The following DIRAS2 variants were observed in gnomAD, a reference collection of about 807,000 sequenced individuals.
DIRAS2 encodes GTP-binding protein Di-Ras2.
A neutral mutation model predicts 13.9 loss-of-function variants in DIRAS2; 5 were observed. The ratio of observed to expected loss-of-function variants is 0.36; its 90% CI spans 0.19 to 0.76. DIRAS2 has a LOEUF of 0.76. Among genes scored for constraint, DIRAS2 ranks in the 30% least tolerant of loss-of-function variants. DIRAS2 has a pLI of 0.53. For synonymous variants in DIRAS2, 111 were observed against 105.4 expected (o/e 1.05, Z -0.33); for missense variants, 191 against 263.0 (o/e 0.73, Z 1.89).
Position 90,613,621 on chromosome 9 carries a change from C to T in DIRAS2, c.207G>A (p.Pro69=), listed in dbSNP as rs749404086. 17 of 1,614,036 alleles carry T rather than the reference C, an allele frequency of 1.1e-5. No homozygotes were observed. Among genetic ancestry groups the T allele is most frequent in the South Asian group, 4.4e-5 (4 of 91,078 alleles). Residue 69 remains proline, a synonymous_variant, in exon 2 of 2, where the codon CCG becomes CCA. Coordinates refer to ENST00000375765, the MANE Select transcript of DIRAS2 (RefSeq NM_017594.5). The surrounding 1 kb of genome is among the most constrained non-coding windows in gnomAD (Gnocchi z 5.6). The stretch of plus-strand genomic sequence containing the variant: ...TGGAGATGGACAGCCGCTGCATGGC[C>T]GGGAACTGGTGGCTCCCCGTCGTGT... ...ITDTTGSHQF[P]AMQRLSISKG...
At chr9:90,631,402 G>A (rs1054418861) in intron 1 of DIRAS2, among the ~76,000 whole-genome samples, 1 of 152,206 alleles carries the variant, frequency 6.6e-6, no homozygotes, top group African/African-American at 2.4e-5. Context: ...AGAAGAACAG[G>A]AGACAGCTGG....
Position 90,613,406 on chromosome 9 carries a change from C to A in DIRAS2, c.422G>T (p.Arg141Leu). ...CTCCATGAAGGCACACTTCCATGTG[C>A]GGGCCAAGGCCTCCGCCTCGCTGCT... ...VQSSEAEALA[R>L]TWKCAFMETS... Residue 141 changes from arginine to leucine, a missense_variant, in exon 2 of 2, where the codon CGC becomes CTC. Coordinates refer to ENST00000375765, the MANE Select transcript of DIRAS2 (RefSeq NM_017594.5). This position sits in a 1 kb window ranked among gnomAD's most constrained non-coding sequence, Gnocchi z 5.6. 6.2e-7 allele frequency: 1 copy of A among 1,614,132 alleles called. No homozygotes were observed. Among genetic ancestry groups the A allele is most frequent in the Non-Finnish European group, 8.5e-7 (1 of 1,180,016 alleles).
intron 1 of DIRAS2, among the ~76,000 whole-genome samples, chr9:90,618,744 T>C (rs1181669281): frequency 2.0e-5 from 3 of 152,138 alleles, no homozygotes; most frequent in Non-Finnish European, 4.4e-5. Flanking sequence ...AAGACATTTC[T>C]CAAAAGAAGA....
At chr9:90,631,738 A>G (rs1825327047) in intron 1 of DIRAS2, among the ~76,000 whole-genome samples, 1 of 152,032 alleles carries the variant, frequency 6.6e-6, no homozygotes, top group Non-Finnish European at 1.5e-5. Context: ...CTGCAAACCC[A>G]TGGCCAGGAC....
rs145712252 is a variant in DIRAS2 at position 90,616,331 on chromosome 9, G to A, written c.-36-2468C>T. Among the ~76,000 whole-genome samples the A allele has an allele frequency of 8.5e-5, 13 of 152,206 alleles. 1 individual carries two copies. Among genetic ancestry groups the A allele is most frequent in the African/African-American group, 2.9e-4 (12 of 41,452 alleles). On this transcript the variant is annotated intron_variant, in intron 1 of 1. Coordinates refer to ENST00000375765, the MANE Select transcript of DIRAS2 (RefSeq NM_017594.5). Reference sequence around the variant, plus strand: ...CCAGAAAACAACTGTGCAGAGGACAGACTTAAGGAAGGATCTCTATTCTCA... The same window carrying A: ...CCAGAAAACAACTGTGCAGAGGACAAACTTAAGGAAGGATCTCTATTCTCA...
intron 1 of DIRAS2, among the ~76,000 whole-genome samples, chr9:90,641,473 T>A (rs190158761): frequency 6.6e-6 from 1 of 152,306 alleles, no homozygotes; most frequent in Non-Finnish European, 1.5e-5. Context: ...TGCCACTGTA[T>A]CTTTTATTTC....
chr9:90,632,383 C>A (rs1290224800), intron 1 of DIRAS2, among the ~76,000 whole-genome samples: 1 of 152,172 alleles, frequency 6.6e-6, no homozygotes, highest in Non-Finnish European at 1.5e-5. Flanking sequence ...TACCCAGACC[C>A]TCTTCCCCCA....
At chr9:90,629,818 G>A (rs955975022) in intron 1 of DIRAS2, among the ~76,000 whole-genome samples, 2 of 152,226 alleles carry the variant, frequency 1.3e-5, no homozygotes, top group African/African-American at 2.4e-5. Flanking sequence ...TGTTCAGTAC[G>A]GGCACAACCA....
intron 1 of DIRAS2, among the ~76,000 whole-genome samples, chr9:90,637,141 A>G (rs752215921): frequency 6.6e-6 from 1 of 152,226 alleles, no homozygotes; most frequent in African/African-American, 2.4e-5. Context: ...AAATTGAAGT[A>G]CAGTTTCTAC....
At chr9:90,619,416 C>G (rs1279539531) in intron 1 of DIRAS2, among the ~76,000 whole-genome samples, 1 of 152,128 alleles carries the variant, frequency 6.6e-6, no homozygotes, top group Admixed American at 6.5e-5. Context: ...TCACTACAGC[C>G]TGGGTGACAA....
intron 1 of DIRAS2, among the ~76,000 whole-genome samples, chr9:90,622,082 T>C (rs1302582332): frequency 6.6e-6 from 1 of 152,092 alleles, no homozygotes; most frequent in Non-Finnish European, 1.5e-5. Context: ...CAAGACACCA[T>C]ATGTATAAAA....
At position 90,641,796 on chromosome 9, in the gene DIRAS2, G is replaced by A. The variant is rs934616076; in HGVS notation, c.-37+956C>T. Among the ~76,000 whole-genome samples the A allele has an allele frequency of 3.9e-5, 6 of 152,242 alleles. No homozygotes were observed. The East Asian group carries it at 1.2e-3, about 29-fold the overall frequency. On this transcript the variant is annotated intron_variant, in intron 1 of 1. Transcript: ENST00000375765. ...AAAATAATATTTTTGAAAATTTTTA[G>A]TTTGAAGCAGAAAAGTTCTGATATG... is the stretch of plus-strand genomic sequence containing the variant.
intron 1 of DIRAS2, among the ~76,000 whole-genome samples, chr9:90,632,836 CAT>C (rs1315688892): frequency 6.6e-6 from 1 of 152,236 alleles, no homozygotes. Context: ...TTTGCTGTAA[CAT>C]GTGTTTCTGT....
chr9:90,628,625 A>T (rs935388838), intron 1 of DIRAS2, among the ~76,000 whole-genome samples: 1 of 152,154 alleles, frequency 6.6e-6, no homozygotes, highest in East Asian at 1.9e-4. Flanking sequence ...GGCTCACTAT[A>T]GCCTCAATCT....
intron 1 of DIRAS2, among the ~76,000 whole-genome samples, chr9:90,614,695 G>T (rs958401434): frequency 2.0e-5 from 3 of 152,118 alleles, no homozygotes; most frequent in Admixed American, 6.5e-5. Context: ...AATAAGTGTG[G>T]ATAGTCATTT....
rs1386015625 is a variant in DIRAS2 at position 90,611,395 on chromosome 9, G to A, written c.*1833C>T. On this transcript the variant is annotated 3_prime_UTR_variant, in exon 2 of 2. Coordinates refer to ENST00000375765, the MANE Select transcript of DIRAS2 (RefSeq NM_017594.5). ...GGGCGGTTTTGTTCTAGGAGATCAT[G>A]GAGTCAAGCAGTTCTCAAAGGCACC... 1.3e-5 allele frequency: 2 copies of A among 152,214 alleles called. No individual in the cohort carries two copies. Among genetic ancestry groups the A allele is most frequent in the South Asian group, 2.1e-4 (1 of 4,820 alleles). 9.4% of individuals were successfully genotyped at this position (152,214 alleles called of 1,614,324 possible).
intron 1 of DIRAS2, among the ~76,000 whole-genome samples, chr9:90,623,000 A>T (rs975853506): frequency 6.6e-6 from 1 of 152,146 alleles, no homozygotes; most frequent in Non-Finnish European, 1.5e-5. Flanking sequence ...TTTCTCCAGC[A>T]TCTTCTATTT....
chr9:90,620,168 A>G (rs973475396), intron 1 of DIRAS2, among the ~76,000 whole-genome samples: 10 of 152,214 alleles, frequency 6.6e-5, no homozygotes, highest in Non-Finnish European at 1.5e-4. Flanking sequence ...TGAAATGTAC[A>G]CTTTAATGCG....
At chr9:90,618,079 G>A (rs375236934) in intron 1 of DIRAS2, among the ~76,000 whole-genome samples, 5 of 152,218 alleles carry the variant, frequency 3.3e-5, no homozygotes, top group African/African-American at 1.2e-4. Flanking sequence ...CAAAATTTAT[G>A]TAAAAATTCA....
Sources: gnomAD v4.1 joint callset for allele counts (sites outside exome capture counted in the v4.1 genomes callset) on GRCh38, gnomAD v4.1.1 for gene constraint, Gnocchi (gnomAD v3.1) non-coding constraint, MANE v1.5 for transcripts, NCBI Gene and HGNC (gene_info 2026-07-23, HGNC 2026-07-21) for gene names.